Variants in SUMF1 observed in about 807,000 individuals in gnomAD.
The protein encoded by SUMF1 is sulfatase modifying factor 1, also known as formylglycine-generating enzyme.
SUMF1 carries 48 observed loss-of-function variants against 47.6 expected under a neutral mutation model. The observed-to-expected ratio is 1.01, with a 90% CI of 0.80 to 1.28. SUMF1 has a LOEUF of 1.28. SUMF1 is among the 50% of genes most tolerant of loss of function. SUMF1 has a pLI of 0.00. For missense variants in SUMF1, 571 were observed against 485.4 expected, an observed-to-expected ratio of 1.18 and a Z score of -1.66; for synonymous variants, 230 against 192.1, an observed-to-expected ratio of 1.20 and a Z score of -1.63.
At chr3:4,324,300 T>C (rs1478063438) in intron 8 of SUMF1, among the ~76,000 whole-genome samples, 1 of 152,112 alleles carries the variant, frequency 6.6e-6, no homozygotes, top group Admixed American at 6.6e-5. Flanking sequence ...ATACCAACTA[T>C]GTGAAAATCT....
At chr3:4,106,430 G>A (rs924388383) in intron 8 of SUMF1, among the ~76,000 whole-genome samples, 3 of 152,070 alleles carry the variant, frequency 2.0e-5, no homozygotes, top group Non-Finnish European at 4.4e-5. Flanking sequence ...TACCCTTCAA[G>A]AGATAACTGA....
At chr3:4,432,839 C>T (rs1403085688) in intron 3 of SUMF1, among the ~76,000 whole-genome samples, 2 of 152,114 alleles carry the variant, frequency 1.3e-5, no homozygotes, top group Non-Finnish European at 2.9e-5. Flanking sequence ...AAAACACAAC[C>T]TAGCCCCTAG....
intron 8 of SUMF1, among the ~76,000 whole-genome samples, chr3:4,329,052 T>G (rs1434169381): frequency 6.6e-6 from 1 of 152,242 alleles, no homozygotes; most frequent in Non-Finnish European, 1.5e-5. Context: ...GTCATGCTGA[T>G]GCAAGAGGTG....
intron 9 of SUMF1, among the ~76,000 whole-genome samples, chr3:4,066,697 G>T (rs1574853357): frequency 6.6e-6 from 1 of 152,058 alleles, no homozygotes; most frequent in Admixed American, 6.6e-5. Context: ...CAGAGTTGAG[G>T]CTTGGCTGCC....
chr3:4,235,387 A>C lies in SUMF1; in HGVS notation c.1014+140943T>G, dbSNP rs971013299. Among the ~76,000 whole-genome samples the C allele has an allele frequency of 5.3e-5, 8 of 152,080 alleles. No homozygotes were observed. In the South Asian group the frequency reaches 1.4e-3, roughly 28 times the overall value. ...TTTGAGGCACCTGTTCAGGAGAATA[A>C]TACTAGGCTAGACCAGAGATACAGA... On this transcript the variant is annotated intron_variant and NMD_transcript_variant, in intron 8 of 12. Coordinates refer to the SUMF1 transcript ENST00000448413.
At chr3:4,363,321 A>G (rs925091569) in intron 8 of SUMF1, among the ~76,000 whole-genome samples, 1 of 152,226 alleles carries the variant, frequency 6.6e-6, no homozygotes, top group African/African-American at 2.4e-5. Context: ...AACATCAAAC[A>G]TAGGAAAGGC....
chr3:4,413,533 G>A (rs1268518561), intron 6 of SUMF1, among the ~76,000 whole-genome samples: 1 of 151,988 alleles, frequency 6.6e-6, no homozygotes, highest in African/African-American at 2.4e-5. Flanking sequence ...TTAACTGCCT[G>A]CTATTAAACC....
At chr3:4,148,238 T>C (rs1361236442) in intron 8 of SUMF1, among the ~76,000 whole-genome samples, 3 of 152,174 alleles carry the variant, frequency 2.0e-5, no homozygotes, top group Non-Finnish European at 4.4e-5. Flanking sequence ...TAAATATCTT[T>C]CTCATAAGCC....
chr3:4,201,598 A>G (rs1264045516), intron 8 of SUMF1, among the ~76,000 whole-genome samples: 1 of 152,160 alleles, frequency 6.6e-6, no homozygotes, highest in Non-Finnish European at 1.5e-5. Context: ...GTGCTGCAAT[A>G]AACATGGGAG....
intron 3 of SUMF1, among the ~76,000 whole-genome samples, chr3:4,435,369 A>G (rs1702363581): frequency 6.6e-6 from 1 of 152,222 alleles, no homozygotes. Flanking sequence ...ACACAGAGAA[A>G]AGACTACTTT....
chr3:4,355,527 T>C (rs1420098833), intron 8 of SUMF1, among the ~76,000 whole-genome samples: 1 of 152,246 alleles, frequency 6.6e-6, no homozygotes, highest in Non-Finnish European at 1.5e-5. Context: ...AAAGTAAATG[T>C]AGGTGAACCT....
Position 4,419,982 on chromosome 3 carries a change from C to T in SUMF1, c.602+82G>A, listed in dbSNP as rs571267446. 207 of 1,050,848 alleles carry T rather than the reference C, an allele frequency of 2.0e-4. 6 individuals are homozygous for T. The Middle Eastern group carries it at 4.0e-3, about 20-fold the overall frequency. 65.1% of individuals were successfully genotyped at this position (1,050,848 alleles called of 1,614,324 possible). ...TCTTATCATTTTATAGATGAAGATG[C>T]CCACTGAGTTCTTTTGCAAGAGCAA... On this transcript the variant is annotated intron_variant, in intron 4 of 8. Coordinates refer to ENST00000272902, the MANE Select transcript of SUMF1 (RefSeq NM_182760.4).
chr3:4,173,390 G>C (rs1694876324), intron 8 of SUMF1, among the ~76,000 whole-genome samples: 1 of 152,174 alleles, frequency 6.6e-6, no homozygotes, highest in East Asian at 1.9e-4. Context: ...ACAGATGCTG[G>C]AGAGGATGTA....
intron 7 of SUMF1, among the ~76,000 whole-genome samples, chr3:4,377,763 T>C (rs775411203): frequency 3.3e-5 from 5 of 152,204 alleles, no homozygotes; most frequent in Non-Finnish European, 2.9e-5. Flanking sequence ...TAGGCTCTAA[T>C]AAGCCAGAAC....
chr3:4,049,377 AC>A (rs1695063480), intron 9 of SUMF1, among the ~76,000 whole-genome samples: 1 of 152,138 alleles, frequency 6.6e-6, no homozygotes, highest in African/African-American at 2.4e-5. Context: ...ATGCCCTCTT[AC>A]TCCACAGCAG....
intron 8 of SUMF1, among the ~76,000 whole-genome samples, chr3:4,287,394 T>C (rs1397092996): frequency 1.5e-5 from 2 of 133,800 alleles, no homozygotes; most frequent in African/African-American, 5.9e-5. Flanking sequence ...AGAAGAATAA[T>C]GAACATAAAT....
intron 8 of SUMF1, among the ~76,000 whole-genome samples, chr3:4,083,740 C>T (rs2125047170): frequency 6.6e-6 from 1 of 151,752 alleles, no homozygotes; most frequent in South Asian, 2.1e-4. Context: ...CATGCCTATC[C>T]TCAGAGAATT....
At chr3:4,354,234 T>C (rs1699570046) in intron 8 of SUMF1, among the ~76,000 whole-genome samples, 1 of 152,158 alleles carries the variant, frequency 6.6e-6, no homozygotes, top group South Asian at 2.1e-4. Flanking sequence ...AAGGATTAAA[T>C]AAGAAGTAAG....
At chr3:4,373,943 A>T (rs1207166923) in intron 8 of SUMF1, among the ~76,000 whole-genome samples, 1 of 152,238 alleles carries the variant, frequency 6.6e-6, no homozygotes, top group Non-Finnish European at 1.5e-5. Flanking sequence ...TCATATTATC[A>T]TCTCAATAGA....
Sources: allele counts gnomAD v4.1 joint callset (sites outside exome capture counted in the v4.1 genomes callset), GRCh38; gene constraint gnomAD v4.1.1; transcripts MANE v1.5; gene names NCBI Gene and HGNC (gene_info 2026-07-23, HGNC 2026-07-21).